The following EYS variants were observed in gnomAD, a reference collection of about 807,000 sequenced individuals.
EYS encodes the protein protein eyes shut homolog.
A neutral mutation model predicts 282.1 loss-of-function variants in EYS; 250 were observed. That is an observed-to-expected ratio of 0.89 (90% CI 0.80 to 0.98). The LOEUF (loss-of-function observed/expected upper bound fraction) is 0.98, where lower values mean the gene tolerates loss of function less well. Ranked by LOEUF, EYS falls within the 50% of genes least tolerant of loss-of-function variation. The pLI, the probability that EYS is intolerant of heterozygous loss-of-function variation, is 0.00. For missense variants in EYS, 4,016 were observed against 3,709.0 expected (o/e 1.08, Z -2.15); for synonymous variants, 1,355 against 1,282.9 (o/e 1.06, Z -1.20).
chr6:63,858,853 T>C (rs1772459530), intron 36 of EYS, among the ~76,000 whole-genome samples: 1 of 152,228 alleles, frequency 6.6e-6, no homozygotes, highest in African/African-American at 2.4e-5. Context: ...GAAAATTGCA[T>C]GTTCTTGAAA....
At chr6:64,431,210 T>C (rs1774566086) in intron 28 of EYS, among the ~76,000 whole-genome samples, 1 of 152,124 alleles carries the variant, frequency 6.6e-6, no homozygotes, top group Admixed American at 6.6e-5. Context: ...ACCTTTCTCT[T>C]TGGCTTGAAG....
chr6:63,974,293 C>T (rs138307043), intron 35 of EYS, among the ~76,000 whole-genome samples: 1,537 of 151,986 alleles, frequency 0.01, 28 homozygotes, highest in African/African-American at 0.034. Flanking sequence ...ACAAAATAAA[C>T]AGGCTTTAAC....
At chr6:65,052,973 G>A (rs1773316667) in intron 13 of EYS, among the ~76,000 whole-genome samples, 1 of 151,640 alleles carries the variant, frequency 6.6e-6, no homozygotes, top group Non-Finnish European at 1.5e-5. Flanking sequence ...AAAATATACA[G>A]CATTAATAAC....
At chr6:63,844,029 C>T (rs976435401) in intron 36 of EYS, among the ~76,000 whole-genome samples, 1 of 152,146 alleles carries the variant, frequency 6.6e-6, no homozygotes, top group African/African-American at 2.4e-5. Context: ...TGACAGGCCC[C>T]ACTGTGTGTT....
At chr6:64,686,759 A>ATGTG (rs1770125583) in intron 22 of EYS, among the ~76,000 whole-genome samples, 13 of 16,590 alleles carry the variant, frequency 7.8e-4, no homozygotes, top group Non-Finnish European at 2.0e-3. Context: ...ATATATATAT[A>ATGTG]TATGTGTGTA....
intron 22 of EYS, among the ~76,000 whole-genome samples, chr6:64,649,344 C>T (rs1582995980): frequency 2.0e-5 from 3 of 149,144 alleles, no homozygotes. Context: ...CTATAACTGC[C>T]TTTTTTTTTT....
At chr6:65,277,854 G>A (rs547237659) in intron 12 of EYS, among the ~76,000 whole-genome samples, 71 of 152,086 alleles carry the variant, frequency 4.7e-4, no homozygotes, top group African/African-American at 1.7e-3. Flanking sequence ...GATGCATATG[G>A]GTGGTTAAGT....
rs1766408641 is a variant in EYS, at chr6:64,591,487, A to G, written c.4380T>C (p.Val1460=). 3 of 1,551,200 alleles carry G rather than the reference A, an allele frequency of 1.9e-6. No homozygotes were observed. The African/African-American group carries it at 4.1e-5, about 21-fold the overall frequency. ...TATCCTCTTGAGCCCCCCTAGAGAC[A>G]ACTGGAGTTGCACTTATGGAGGCAG... ...LIAASISATP[V]VSRGAQEDIE... is the part of the protein sequence containing the mutation. Residue 1460 remains valine (V), a synonymous_variant, in exon 26 of 43, where the codon GTT becomes GTC. Transcript: ENST00000503581.
chr6:63,814,047 A>G (rs1771116721), intron 36 of EYS, among the ~76,000 whole-genome samples: 1 of 152,176 alleles, frequency 6.6e-6, no homozygotes, highest in African/African-American at 2.4e-5. Flanking sequence ...TCTTAGTAAC[A>G]CAGCACCAGA....
intron 26 of EYS, among the ~76,000 whole-genome samples, chr6:64,514,925 A>T (rs1178762736): frequency 6.6e-6 from 1 of 151,834 alleles, no homozygotes; most frequent in African/African-American, 2.4e-5. Context: ...CAGTATCAAA[A>T]ATTTTGCCTT....
chr6:65,180,439 G>A (rs534055928), intron 12 of EYS, among the ~76,000 whole-genome samples: 2 of 152,114 alleles, frequency 1.3e-5, no homozygotes, highest in Non-Finnish European at 2.9e-5. Flanking sequence ...CAAATCATGA[G>A]TGAACTCCCA....
At chr6:65,502,808 T>A (rs1766503649) in intron 2 of EYS, among the ~76,000 whole-genome samples, 2 of 151,634 alleles carry the variant, frequency 1.3e-5, no homozygotes, top group South Asian at 4.1e-4. Context: ...AAAAGTAATA[T>A]GTACTGGGGA....
At chr6:64,389,337 A>G (rs1205994091) in intron 28 of EYS, among the ~76,000 whole-genome samples, 3 of 151,706 alleles carry the variant, frequency 2.0e-5, no homozygotes, top group African/African-American at 7.3e-5. Flanking sequence ...ATCAAATATA[A>G]CTTAATTAGG....
At chr6:64,902,051 G>T (rs1767683382) in intron 18 of EYS, 62 bp downstream of exon 18, 1 of 987,102 alleles carries the variant, frequency 1.0e-6, no homozygotes, top group African/African-American at 3.6e-5. Context: ...GCACATGTGT[G>T]CTCACTTTCT....
In EYS at chr6:63,962,936, A is replaced by AGAAT. The variant is rs1766140105; in HGVS notation, c.7055+21443_7055+21446dup. On this transcript the variant is annotated intron_variant, in intron 35 of 42. Transcript: ENST00000503581. ...ATGGAATACTTTGCAGCCATAAAAA[A>AGAAT]GAATGAGTTCATGTCCTTTGTAGGG... is the stretch of plus-strand genomic sequence containing the variant. 7.9e-5 allele frequency among the ~76,000 whole-genome samples: 12 copies of AGAAT among 152,328 alleles called. No individual in the cohort carries two copies. In the South Asian group the frequency reaches 2.5e-3, roughly 32 times the overall value.
chr6:65,185,611 C>T (rs1052389381), intron 12 of EYS, among the ~76,000 whole-genome samples: 2 of 151,746 alleles, frequency 1.3e-5, no homozygotes, highest in Non-Finnish European at 2.9e-5. Flanking sequence ...ACCTACCTTA[C>T]TTTAATTTCA....
intron 7 of EYS, among the ~76,000 whole-genome samples, chr6:65,385,845 A>G (rs1312688108): frequency 6.6e-6 from 1 of 152,014 alleles, no homozygotes; most frequent in East Asian, 1.9e-4. Context: ...AAATCACTCC[A>G]AATACCAACT....
intron 2 of EYS, among the ~76,000 whole-genome samples, chr6:65,504,893 A>C (rs1034950022): frequency 6.6e-6 from 1 of 151,738 alleles, no homozygotes; most frequent in African/African-American, 2.4e-5. Flanking sequence ...ACATTTGTCT[A>C]CTTTTGGAAT....
chr6:65,121,510 G>A (rs1165461801), intron 12 of EYS, among the ~76,000 whole-genome samples: 1 of 146,612 alleles, frequency 6.8e-6, no homozygotes, highest in Admixed American at 6.9e-5. Context: ...GTGTCTTATT[G>A]GAAATTTGTG....
Sources: gnomAD v4.1 joint callset for allele counts (sites outside exome capture counted in the v4.1 genomes callset) on GRCh38, gnomAD v4.1.1 for gene constraint, MANE v1.5 for transcripts, NCBI Gene and HGNC (gene_info 2026-07-23, HGNC 2026-07-21) for gene names.